TTLL12: variants seen among roughly 807,000 people sequenced by gnomAD.
TTLL12 encodes tubulin--tyrosine ligase-like protein 12.
In TTLL12, 77 loss-of-function variants were observed where a neutral mutation model predicts 79.6. The ratio of observed to expected loss-of-function variants is 0.97; its 90% CI spans 0.81 to 1.17. TTLL12 has a LOEUF of 1.17. TTLL12 is among the 50% of genes most tolerant of loss of function. TTLL12 has a pLI of 0.00. For synonymous variants in TTLL12, 437 were observed against 376.1 expected (o/e 1.16, Z -1.87); for missense variants, 969 against 895.9 (o/e 1.08, Z -1.04).
intron 11 of TTLL12, among the ~76,000 whole-genome samples, chr22:43,170,466 G>A (rs911161453): frequency 4.6e-5 from 7 of 152,288 alleles, no homozygotes; most frequent in Non-Finnish European, 7.4e-5. Flanking sequence ...GCATGTTCAC[G>A]CGCCATGATT....
intron 2 of TTLL12, 141 bp downstream of exon 2, chr22:43,182,833 ACACACC>A: frequency 5.3e-6 from 6 of 1,125,656 alleles, no homozygotes; most frequent in Non-Finnish European, 7.4e-6. Flanking sequence ...GCCCTGATGG[ACACACC>A]GCTGGCCACA....
At chr22:43,182,267 C>A (rs1013295076) in intron 2 of TTLL12, among the ~76,000 whole-genome samples, 4 of 152,220 alleles carry the variant, frequency 2.6e-5, no homozygotes, top group Non-Finnish European at 5.9e-5. Context: ...ACGGTGAGCC[C>A]AAGCACGCAT....
chr22:43,171,692 G>C (rs1276068847), intron 11 of TTLL12, 127 bp downstream of exon 11: 13 of 696,786 alleles, frequency 1.9e-5, no homozygotes, highest in Non-Finnish European at 3.2e-5. Context: ...TCCATAGCAG[G>C]AACTCAGGAG....
At chr22:43,176,661 C>T (rs567293712) in intron 5 of TTLL12, among the ~76,000 whole-genome samples, 23 of 128,204 alleles carry the variant, frequency 1.8e-4, no homozygotes, top group African/African-American at 6.3e-4. Context: ...ACCCGGGAGG[C>T]GGAGGTTGTA....
Position 43,174,384 on chromosome 22 carries a change from G to C in TTLL12, c.1054C>G (p.Pro352Ala). The change falls in exon 8 of 14, where the codon CCA (proline) becomes GCA (alanine). Residue 352 changes from proline (P) to alanine (A), a missense_variant. Coordinates refer to ENST00000216129, the MANE Select transcript of TTLL12 (RefSeq NM_015140.4). ...KDYRKLSQER[P>A]GVLLNQFPCE... ...GGGAACTGGTTCAGCAGCACGCCTG[G>C]CCTCTCCTGGCTGAGTTTCCTGCAG... 1.3e-6 allele frequency: 2 copies of C among 1,566,844 alleles called. No individual in the cohort carries two copies. Among genetic ancestry groups the C allele is most frequent in the Non-Finnish European group, 1.7e-6 (2 of 1,151,778 alleles).
At chr22:43,184,133 T>G (rs1481396226) in intron 1 of TTLL12, among the ~76,000 whole-genome samples, 1 of 152,236 alleles carries the variant, frequency 6.6e-6, no homozygotes, top group East Asian at 1.9e-4. Flanking sequence ...TTCAGGACAC[T>G]GATGGAATGA....
intron 11 of TTLL12, 72 bp downstream of exon 11, chr22:43,171,747 G>T: frequency 1.5e-6 from 2 of 1,333,822 alleles, no homozygotes; most frequent in Non-Finnish European, 2.1e-6. Flanking sequence ...CTAGGAGGCA[G>T]TGTGGGCGGG....
In TTLL12 at chr22:43,179,355, C is replaced by T. The variant is rs139134130; in HGVS notation, c.840+264G>A. On this transcript the variant is annotated intron_variant, in intron 5 of 13. Transcript: ENST00000216129. ...GACCAACTGCACAGCCCCCTCCTTC[C>T]CAAGGGAGCAGCGTGGACCCCCTGA... Among the ~76,000 whole-genome samples, 999 of 152,180 alleles carry T rather than the reference C, an allele frequency of 6.6e-3. 7 individuals carry two copies. The highest frequency in any genetic ancestry group is 0.01 in the Non-Finnish European group (696 of 67,990).
Position 43,167,834 on chromosome 22 carries a change from A to G in TTLL12, c.*174T>C. 1.4e-6 allele frequency: 1 copy of G among 717,074 alleles called. No individual in the cohort carries two copies. The highest frequency in any genetic ancestry group is 2.3e-6 in the Non-Finnish European group (1 of 439,824). The allele number at this position is 717,074 out of a possible 1,614,324, so 44.4% of individuals were successfully genotyped here. On this transcript the variant is annotated 3_prime_UTR_variant, in exon 14 of 14. Coordinates refer to ENST00000216129, the MANE Select transcript of TTLL12 (RefSeq NM_015140.4). ...GCTCTGACCCACAGGTGAGAGGAGG[A>G]TGCTGTGCTCCCGGAGTGTGGCGCC...
intron 1 of TTLL12, among the ~76,000 whole-genome samples, chr22:43,184,217 T>G (rs2146625958): frequency 6.6e-6 from 1 of 152,368 alleles, no homozygotes; most frequent in East Asian, 1.9e-4. Context: ...TAAAACGTAT[T>G]TCCCACTACT....
chr22:43,167,901 A>G lies in TTLL12; in HGVS notation c.*107T>C, dbSNP rs530532314. 9.0e-5 allele frequency: 127 copies of G among 1,417,848 alleles called. No individual in the cohort carries two copies. In the East Asian group the frequency reaches 2.0e-3, roughly 22 times the overall value. The allele number at this position is 1,417,848 out of a possible 1,614,324, so 87.8% of individuals were successfully genotyped here. On this transcript the variant is annotated 3_prime_UTR_variant, in exon 14 of 14. Transcript: ENST00000216129. ...AGGACAGAGGCCTGGGGCTGAGGCTATGCCCAGGGCCGGTGTGGGGAGGGA... is the reference window on the plus strand; with the variant it reads ...AGGACAGAGGCCTGGGGCTGAGGCTGTGCCCAGGGCCGGTGTGGGGAGGGA...
At position 43,168,800 on chromosome 22, in the gene TTLL12, A is replaced by G; in HGVS notation, c.1757T>C (p.Met586Thr). The G allele has an allele frequency of 6.4e-7, 1 of 1,571,370 alleles. No individual in the cohort carries two copies. The highest frequency in any genetic ancestry group is 8.6e-7 in the Non-Finnish European group (1 of 1,159,000). The change falls in exon 13 of 14, where the codon ATG (methionine) becomes ACG (threonine). Residue 586 changes from methionine to threonine, a missense_variant. Physicochemically the swap from Met to Thr is moderately conservative, Grantham distance 81. Transcript: ENST00000216129. ...SSRAMYAVDL[M>T]LKWDNGPDGR... ...ATCTGGGCCGTTGTCCCACTTCAGC[A>G]TGAGGTCGACGGCATACATGGCCCG...
In TTLL12 at chr22:43,180,762, T is replaced by G. The variant is rs770341809; in HGVS notation, c.526A>C (p.Thr176Pro). The G allele has an allele frequency of 1.2e-6, 2 of 1,612,820 alleles. No individual in the cohort carries two copies. The highest frequency in any genetic ancestry group is 1.7e-6 in the Non-Finnish European group (2 of 1,179,924). Residue 176 changes from threonine (T) to proline (P), a missense_variant, in exon 3 of 14, where the codon ACC becomes CCC. Coordinates refer to ENST00000216129, the MANE Select transcript of TTLL12 (RefSeq NM_015140.4). ...VLEEMWKFNQ[T>P]YQLAHGTAEE... ...CTCACCCCATGGGCCAGCTGGTAGG[T>G]CTGGTTGAACTTCCACATCTCCTCC...
In TTLL12 at chr22:43,174,626, A is replaced by G. The variant is rs1202062887; in HGVS notation, c.918-11T>C. 1 of 1,584,770 alleles carries G rather than the reference A, an allele frequency of 6.3e-7. No individual in the cohort carries two copies. On this transcript the variant is annotated splice_polypyrimidine_tract_variant and intron_variant, in intron 6 of 13. Transcript: ENST00000216129. Reference sequence around the variant, plus strand: ...ACGTCCGTGTAGACCCTGTGGGGAGAGCCCGAGCTGGGTGATCCCGGCTCC... The same window carrying G: ...ACGTCCGTGTAGACCCTGTGGGGAGGGCCCGAGCTGGGTGATCCCGGCTCC...
chr22:43,168,787 G>A lies in TTLL12; in HGVS notation c.1770C>T (p.Asp590=). The A allele has an allele frequency of 6.4e-7, 1 of 1,563,086 alleles. No individual in the cohort carries two copies. The highest frequency in any genetic ancestry group is 8.7e-7 in the Non-Finnish European group (1 of 1,154,434). Residue 590 remains aspartate (D), a synonymous_variant, in exon 13 of 14, where the codon GAC becomes GAT. Transcript: ENST00000216129. ...MYAVDLMLKW[D]NGPDGRRVMQ... ...AGCCCCTCTTACCATCTGGGCCGTT[G>A]TCCCACTTCAGCATGAGGTCGACGG...
Position 43,167,833 on chromosome 22 carries a change from G to A in TTLL12, c.*175C>T. 2 of 712,740 alleles carry A rather than the reference G, an allele frequency of 2.8e-6. No individual in the cohort carries two copies. Among genetic ancestry groups the A allele is most frequent in the Non-Finnish European group, 4.6e-6 (2 of 436,098 alleles). The allele number at this position is 712,740 out of a possible 1,614,324, so 44.2% of individuals were successfully genotyped here. ...TGCTCTGACCCACAGGTGAGAGGAG[G>A]ATGCTGTGCTCCCGGAGTGTGGCGC... On this transcript the variant is annotated 3_prime_UTR_variant, in exon 14 of 14. Transcript: ENST00000216129.
chr22:43,172,602 T>C (rs775375277), intron 9 of TTLL12, 48 bp from the exon 10 acceptor site: 2 of 1,609,602 alleles, frequency 1.2e-6, no homozygotes, highest in Non-Finnish European at 1.7e-6. Flanking sequence ...CAGAGCCCCC[T>C]GGGGCTCCCG....
chr22:43,174,272 CG>C lies in TTLL12; in HGVS notation c.1165del (p.Arg389GlufsTer92), dbSNP rs1199831133. 1.2e-6 allele frequency: 2 copies of C among 1,610,640 alleles called. No individual in the cohort carries two copies. Among genetic ancestry groups the C allele is most frequent in the African/African-American group, 1.3e-5 (1 of 75,044 alleles). ...CAGCTCAGTGCGCAGGTTGAAGGTT[CG>C]GGGCAGCCAGGGTGGGCCCTCGGGG... is the stretch of plus-strand genomic sequence containing the variant. ...GGPEGPPWLPRTFNLRTELPQ... is the reference protein window; with the variant it reads ...GGPEGPPWLPXTFNLRTELPQ... On this transcript the variant is annotated frameshift_variant, in exon 8 of 14. Transcript: ENST00000216129. LOFTEE classifies it high-confidence loss of function.
Position 43,167,681 on chromosome 22 carries a change from G to A in TTLL12, c.*327C>T, listed in dbSNP as rs779012277. ...CACCCCCTGGAAACACAGCAGCCAG[G>A]AACAAATTCTCCATGCCAGGAACAA... On this transcript the variant is annotated 3_prime_UTR_variant, in exon 14 of 14. Transcript: ENST00000216129. 1.9e-4 allele frequency: 45 copies of A among 232,802 alleles called. No individual in the cohort carries two copies. The highest frequency in any genetic ancestry group is 2.8e-4 in the Non-Finnish European group (33 of 118,530). The allele number at this position is 232,802 out of a possible 1,614,324, so 14.4% of individuals were successfully genotyped here. A position where few individuals can be genotyped will look rare whatever the true frequency, so the allele number is the denominator to read the frequency against.
Sources: gnomAD v4.1 joint callset for allele counts (sites outside exome capture counted in the v4.1 genomes callset) on GRCh38, gnomAD v4.1.1 for gene constraint, MANE v1.5 for transcripts, NCBI Gene and HGNC (gene_info 2026-07-23, HGNC 2026-07-21) for gene names.